The following FAM76A variants were observed in gnomAD, a reference collection of about 807,000 sequenced individuals.
FAM76A encodes protein FAM76A.
A neutral mutation model predicts 46.2 loss-of-function variants in FAM76A; 32 were observed. The observed-to-expected ratio is 0.69, with a 90% CI of 0.52 to 0.93. The LOEUF is 0.93. Ranked by LOEUF, FAM76A falls within the 40% of genes least tolerant of loss-of-function variation. The pLI is 0.00. For synonymous variants in FAM76A, 137 were observed against 127.0 expected (o/e 1.08, Z -0.53); for missense variants, 274 against 361.5 (o/e 0.76, Z 1.96).
Position 27,757,731 on chromosome 1 carries a change from T to C in FAM76A, c.736-1795T>C, listed in dbSNP as rs1486402842. Among the ~76,000 whole-genome samples, 12 of 151,608 alleles carry C rather than the reference T, an allele frequency of 7.9e-5. 1 individual carries two copies. Among genetic ancestry groups the C allele is most frequent in the African/African-American group, 1.7e-4 (7 of 41,356 alleles). Reference sequence around the variant, plus strand: ...GTGGCTCATGCCTGTAATCCCACCATTTTGGGAGGCCAAGGCGGGTGGATC... The same window carrying C: ...GTGGCTCATGCCTGTAATCCCACCACTTTGGGAGGCCAAGGCGGGTGGATC... On this transcript the variant is annotated intron_variant, in intron 7 of 8. Coordinates refer to ENST00000373954, the MANE Select transcript of FAM76A (RefSeq NM_152660.3).
chr1:27,750,367 G>A lies in FAM76A; in HGVS notation c.599+1213G>A, dbSNP rs367918548. ...TTAATTTAGGTAGTCAGATTACATGGGGGGAGGAACCATAAAGATCATCTT... is the reference window on the plus strand; with the variant it reads ...TTAATTTAGGTAGTCAGATTACATGAGGGGAGGAACCATAAAGATCATCTT... On this transcript the variant is annotated intron_variant, in intron 6 of 8. Transcript: ENST00000373954. Among the ~76,000 whole-genome samples, 9 of 152,250 alleles carry A rather than the reference G, an allele frequency of 5.9e-5. No individual in the cohort carries two copies. In the East Asian group the frequency reaches 1.5e-3, roughly 26 times the overall value.
At chr1:27,746,762 G>A (rs2088247919) in intron 5 of FAM76A, among the ~76,000 whole-genome samples, 1 of 151,998 alleles carries the variant, frequency 6.6e-6, no homozygotes, top group Non-Finnish European at 1.5e-5. Context: ...AATCACTGGG[G>A]GTAGGGATTA....
Position 27,726,167 on chromosome 1 carries a change from C to A in FAM76A, c.81+6C>A. On this transcript the variant is annotated splice_donor_region_variant and intron_variant, in intron 1 of 8. Coordinates refer to ENST00000373954, the MANE Select transcript of FAM76A (RefSeq NM_152660.3). Reference sequence around the variant, plus strand: ...AGGGGCAGCAGCTGTGCAAGGTGCGCGGGCTGGGGCGGCGGCCGGGAACTG... The same window carrying A: ...AGGGGCAGCAGCTGTGCAAGGTGCGAGGGCTGGGGCGGCGGCCGGGAACTG... The A allele has an allele frequency of 1.6e-6, 2 of 1,275,618 alleles. No individual in the cohort carries two copies. The highest frequency in any genetic ancestry group is 2.9e-5 in the South Asian group (1 of 34,892). The allele number at this position is 1,275,618 out of a possible 1,614,324, so 79.0% of individuals were successfully genotyped here.
chr1:27,760,706 T>G lies in FAM76A; in HGVS notation c.*125T>G, dbSNP rs1235093772. On this transcript the variant is annotated 3_prime_UTR_variant, in exon 9 of 9. Transcript: ENST00000373954. The stretch of plus-strand genomic sequence containing the variant: ...ATCTCTATTTTATTACAGTTATCCT[T>G]CTTTGTGCGATTGCAGTGGGCTGAA... 1 of 607,924 alleles carries G rather than the reference T, an allele frequency of 1.6e-6. No homozygotes were observed. The highest frequency in any genetic ancestry group is 2.8e-6 in the Non-Finnish European group (1 of 357,266). 37.7% of individuals were successfully genotyped at this position (607,924 alleles called of 1,614,324 possible).
rs548919308 is a variant in FAM76A, at chr1:27,763,065, G to A, written c.*2484G>A. On this transcript the variant is annotated 3_prime_UTR_variant, in exon 9 of 9. Transcript: ENST00000373954. The stretch of plus-strand genomic sequence containing the variant: ...CATTTTAAAACACAGGAATGTTTTG[G>A]TTTGTACAGACTTTGACAAATGTGT... 6.6e-6 allele frequency: 1 copy of A among 152,112 alleles called. No homozygotes were observed. Among genetic ancestry groups the A allele is most frequent in the Non-Finnish European group, 1.5e-5 (1 of 68,012 alleles). The allele number at this position is 152,112 out of a possible 1,614,324, so 9.4% of individuals were successfully genotyped here.
intron 6 of FAM76A, 122 bp downstream of exon 6, chr1:27,749,276 G>A (rs890542988): frequency 4.2e-5 from 23 of 549,826 alleles, no homozygotes; most frequent in Non-Finnish European, 5.4e-5. Flanking sequence ...TTATAAGTAA[G>A]CAGTACTGAT....
At position 27,734,109 on chromosome 1, in the gene FAM76A, A is replaced by C; in HGVS notation, c.280A>C (p.Lys94Gln). Residue 94 changes from lysine (K) to glutamine (Q), a missense_variant, in exon 4 of 9, where the codon AAG becomes CAG. Physicochemically the swap from Lys to Gln is moderately conservative, Grantham distance 53 (BLOSUM62 1). Coordinates refer to ENST00000373954, the MANE Select transcript of FAM76A (RefSeq NM_152660.3). ...KCQRCTNSEK[K>Q]YGPPYSCEQC... ...CCAGCGCTGCACAAATTCAGAAAAG[A>C]AGTATGGACCACCCTATTCTTGTGA... is the stretch of plus-strand genomic sequence containing the variant. 6.2e-7 allele frequency: 1 copy of C among 1,613,276 alleles called. No individual in the cohort carries two copies.
In FAM76A at chr1:27,727,474, A is replaced by C; in HGVS notation, c.84A>C (p.Glu28Asp). Residue 28 changes from glutamate (E) to aspartate (D), a missense_variant and splice_region_variant, in exon 2 of 9, where the codon GAA (glutamate) becomes GAC (aspartate). Physicochemically the swap from Glu to Asp is conservative, Grantham distance 45. Coordinates refer to ENST00000373954, the MANE Select transcript of FAM76A (RefSeq NM_152660.3). Reference protein sequence around the residue: ...ALSQGQQLCKECRIAHPVVKC... With the variant: ...ALSQGQQLCKDCRIAHPVVKC... ...ATTATATCCTCATTTCATTTCAGGA[A>C]TGTCGGATTGCACACCCTGTTGTGA... 1 of 1,613,576 alleles carries C rather than the reference A, an allele frequency of 6.2e-7. No individual in the cohort carries two copies. Among genetic ancestry groups the C allele is most frequent in the Non-Finnish European group, 8.5e-7 (1 of 1,179,548 alleles).
chr1:27,735,056 T>C (rs1360307901), intron 4 of FAM76A, among the ~76,000 whole-genome samples: 1 of 152,268 alleles, frequency 6.6e-6, no homozygotes, highest in African/African-American at 2.4e-5. Flanking sequence ...CAGTCTCATC[T>C]TGCATCATAC....
At chr1:27,732,823 A>G (rs1426913242) in intron 3 of FAM76A, among the ~76,000 whole-genome samples, 166 bp downstream of exon 3, 1 of 152,226 alleles carries the variant, frequency 6.6e-6, no homozygotes, top group Non-Finnish European at 1.5e-5. Flanking sequence ...CTTATTGTTA[A>G]GGAACTCTGT....
chr1:27,743,995 TCTC>T lies in FAM76A; in HGVS notation c.355-658_355-656del, dbSNP rs1349121142. ...GAATTTTATAATTCATCTTCTGTCT[TCTC>T]TTCTCCCTGCTGAGTTTTCCTTAAT... On this transcript the variant is annotated intron_variant, in intron 4 of 8. Coordinates refer to ENST00000373954, the MANE Select transcript of FAM76A (RefSeq NM_152660.3). Among the ~76,000 whole-genome samples the T allele has an allele frequency of 2.0e-5, 3 of 152,294 alleles. No homozygotes were observed. In the South Asian group the frequency reaches 6.2e-4, roughly 32 times the overall value.
intron 3 of FAM76A, among the ~76,000 whole-genome samples, chr1:27,732,940 G>T (rs868154493): frequency 5.3e-4 from 75 of 140,588 alleles, no homozygotes; most frequent in Non-Finnish European, 8.0e-4. Flanking sequence ...TTTTGTTTTT[G>T]TTTTTTTTTT....
In FAM76A at chr1:27,759,779, G is replaced by GTTTTTTTGTTTTT. The variant is rs1553179887; in HGVS notation, c.837+159_837+160insGTTTTTTTTTTTT. On this transcript the variant is annotated intron_variant, in intron 8 of 8. Coordinates refer to ENST00000373954, the MANE Select transcript of FAM76A (RefSeq NM_152660.3). ...TCCCCCTTTTAGGTTTTTTTTTTTTGTTTTTTTTTTGAGACAGGTTCTCTG... is the reference window on the plus strand; with the variant it reads ...TCCCCCTTTTAGGTTTTTTTTTTTTGTTTTTTTGTTTTTTTTTTTTTTTGAGACAGGTTCTCTG... 6.4e-4 allele frequency: 233 copies of GTTTTTTTGTTTTT among 363,560 alleles called. 8 individuals carry two copies. Among genetic ancestry groups the GTTTTTTTGTTTTT allele is most frequent in the African/African-American group, 4.3e-3 (131 of 30,288 alleles). 22.5% of individuals were successfully genotyped at this position (363,560 alleles called of 1,614,324 possible).
intron 1 of FAM76A, 68 bp from the exon 2 acceptor site, chr1:27,727,404 C>G (rs1038837474): frequency 7.8e-7 from 1 of 1,287,386 alleles, no homozygotes; most frequent in Admixed American, 1.7e-5. Context: ...GTACCCAGGT[C>G]GGCTTCCTAC....
At chr1:27,729,575 A>G (rs1390960930) in intron 2 of FAM76A, among the ~76,000 whole-genome samples, 1 of 152,060 alleles carries the variant, frequency 6.6e-6, no homozygotes, top group Admixed American at 6.6e-5. Flanking sequence ...TATGCCCTCT[A>G]CTTAAATTCT....
chr1:27,747,423 G>A (rs567718293), intron 5 of FAM76A, among the ~76,000 whole-genome samples: 1 of 152,218 alleles, frequency 6.6e-6, no homozygotes, highest in Non-Finnish European at 1.5e-5. Context: ...ATGCTGAAGA[G>A]AGGTCAAGTA....
At position 27,727,552 on chromosome 1, in the gene FAM76A, C is replaced by T. The variant is rs201367605; in HGVS notation, c.146+16C>T. The T allele has an allele frequency of 6.2e-7, 1 of 1,604,596 alleles. No individual in the cohort carries two copies. The highest frequency in any genetic ancestry group is 8.5e-7 in the Non-Finnish European group (1 of 1,171,898). ...AGCAGGAGAGGTAGAGTTTTGTTGA[C>T]CATGAAAGATATTAATAGGCTTTTT... On this transcript the variant is annotated intron_variant, in intron 2 of 8. Transcript: ENST00000373954.
In FAM76A at chr1:27,748,357, C is replaced by T. The variant is rs564385248; in HGVS notation, c.513-711C>T. Among the ~76,000 whole-genome samples the T allele has an allele frequency of 2.3e-3, 343 of 151,640 alleles. 2 individuals are homozygous for T. The highest frequency in any genetic ancestry group is 7.7e-3 in the African/African-American group (319 of 41,376). On this transcript the variant is annotated intron_variant, in intron 5 of 8. Coordinates refer to ENST00000373954, the MANE Select transcript of FAM76A (RefSeq NM_152660.3). ...GCCAGGATGGTGTCGATCTCCTGAC[C>T]TCGTGATCCATCCACCTCGGCCTCC...
intron 5 of FAM76A, among the ~76,000 whole-genome samples, chr1:27,748,149 G>A (rs1480955282): frequency 4.0e-5 from 5 of 125,060 alleles, no homozygotes; most frequent in Non-Finnish European, 7.9e-5. Context: ...TTTTTGAGAC[G>A]GAGTCTTGCT....
Sources: gnomAD v4.1 joint callset for allele counts (sites outside exome capture counted in the v4.1 genomes callset) on GRCh38, gnomAD v4.1.1 for gene constraint, MANE v1.5 for transcripts, NCBI Gene and HGNC (gene_info 2026-07-23, HGNC 2026-07-21) for gene names.